The following ADGRL3 variants were observed in gnomAD, a reference collection of about 807,000 sequenced individuals.
ADGRL3 encodes adhesion G protein-coupled receptor L3.
ADGRL3 carries 62 observed loss-of-function variants against 153.5 expected under a neutral mutation model. The ratio of observed to expected loss-of-function variants is 0.40; its 90% CI spans 0.33 to 0.50. The LOEUF (loss-of-function observed/expected upper bound fraction) is 0.50, where lower values mean the gene tolerates loss of function less well. Among genes scored for constraint, ADGRL3 ranks in the 20% least tolerant of loss-of-function variants. The probability of loss-of-function intolerance (pLI) is 0.47; values close to 1 mark genes in which losing one functional copy is unlikely to be tolerated. For synonymous variants in ADGRL3, 710 were observed against 672.5 expected (o/e 1.06, Z -0.86); for missense variants, 1,641 against 1,859.4 (o/e 0.88, Z 2.16).
chr4:61,728,380 G>A (rs914775535), intron 6 of ADGRL3, among the ~76,000 whole-genome samples: 1 of 152,062 alleles, frequency 6.6e-6, no homozygotes, highest in Admixed American at 6.6e-5. Flanking sequence ...TTACCAAATG[G>A]CAGTTGAGTT....
Position 61,971,134 on chromosome 4 carries a change from ATT to A in ADGRL3, c.2806-8423_2806-8422del, listed in dbSNP as rs932806321. On this transcript the variant is annotated intron_variant, in intron 17 of 26. Transcript: ENST00000683033. ...TTGAAGAGGCAATTTAATTTTTTAA[ATT>A]TTTTTATTTATTTTTATTTATTTAT... Among the ~76,000 whole-genome samples, 30 of 151,672 alleles carry A rather than the reference ATT, an allele frequency of 2.0e-4. No individual in the cohort carries two copies. In the South Asian group the frequency reaches 2.7e-3, roughly 14 times the overall value.
intron 2 of ADGRL3, among the ~76,000 whole-genome samples, chr4:61,403,009 T>C (rs1052065658): frequency 6.6e-6 from 1 of 150,730 alleles, no homozygotes; most frequent in Non-Finnish European, 1.5e-5. Context: ...TCATCCTGGC[T>C]TGTACATGGC....
chr4:61,763,426 C>T (rs935614360), intron 8 of ADGRL3, among the ~76,000 whole-genome samples: 4 of 151,782 alleles, frequency 2.6e-5, no homozygotes, highest in Admixed American at 6.6e-5. Context: ...CCTCATGATC[C>T]GCCTGCCTCA....
At chr4:61,803,848 A>G (rs1013678952) in intron 8 of ADGRL3, among the ~76,000 whole-genome samples, 1 of 152,166 alleles carries the variant, frequency 6.6e-6, no homozygotes, top group Non-Finnish European at 1.5e-5. Context: ...TTTATAGACA[A>G]CTATAATATA....
intron 5 of ADGRL3, among the ~76,000 whole-genome samples, chr4:61,612,002 T>G (rs1486498050): frequency 6.6e-6 from 1 of 152,130 alleles, no homozygotes; most frequent in Non-Finnish European, 1.5e-5. Flanking sequence ...CATACATTTC[T>G]TGTTCACTCA....
chr4:61,514,277 T>C (rs969639555), intron 3 of ADGRL3, among the ~76,000 whole-genome samples: 4 of 152,060 alleles, frequency 2.6e-5, no homozygotes, highest in Non-Finnish European at 5.9e-5. Context: ...ACGTGAACCT[T>C]GGGAGATCTG....
At position 62,051,823 on chromosome 4, in the gene ADGRL3, A is replaced by G. The variant is rs190745755; in HGVS notation, c.3814+7274A>G. 2.9e-4 allele frequency among the ~76,000 whole-genome samples: 44 copies of G among 151,926 alleles called. 1 individual carries two copies. Among genetic ancestry groups the G allele is most frequent in the African/African-American group, 1.1e-3 (44 of 41,566 alleles). ...TGAGCTACCTTGATAAATTCTAAAT[A>G]TAAGTGCTATAGAATATTTCCACTT... On this transcript the variant is annotated intron_variant, in intron 25 of 26. Transcript: ENST00000683033.
intron 1 of ADGRL3, among the ~76,000 whole-genome samples, chr4:61,284,190 A>G (rs937517775): frequency 1.3e-5 from 2 of 151,976 alleles, no homozygotes; most frequent in Non-Finnish European, 2.9e-5. Context: ...ATTAATTTGC[A>G]GTCATATAAG....
At position 61,733,393 on chromosome 4, in the gene ADGRL3, C is replaced by T. The variant is rs770535751; in HGVS notation, c.1238C>T (p.Thr413Ile). The T allele has an allele frequency of 6.2e-7, 1 of 1,613,754 alleles. No homozygotes were observed. The highest frequency in any genetic ancestry group is 1.7e-5 in the Admixed American group (1 of 59,902). The part of the protein sequence containing the change: ...TGNKIDYIYN[T>I]DQSKDSLVDV... The stretch of plus-strand genomic sequence containing the variant: ...AATAAGATTGACTACATTTACAACA[C>T]TGACCAAAGCAAGGATAGTTTGGTG... Residue 413 changes from threonine to isoleucine, a missense_variant, in exon 8 of 27, where the codon ACT becomes ATT. Transcript: ENST00000683033.
At chr4:61,382,669 G>A (rs576048860) in intron 1 of ADGRL3, among the ~76,000 whole-genome samples, 12 of 151,710 alleles carry the variant, frequency 7.9e-5, no homozygotes, top group Non-Finnish European at 1.6e-4. Context: ...AAATAAGGGT[G>A]TGTGTATGTA....
chr4:61,850,236 CTG>C (rs1389772905), intron 9 of ADGRL3, among the ~76,000 whole-genome samples: 2 of 152,020 alleles, frequency 1.3e-5, no homozygotes, highest in Non-Finnish European at 2.9e-5. Context: ...CATGAAAGTT[CTG>C]TGTTATTATT....
intron 25 of ADGRL3, among the ~76,000 whole-genome samples, chr4:62,063,275 G>C (rs1741163355): frequency 6.6e-6 from 1 of 151,966 alleles, no homozygotes; most frequent in African/African-American, 2.4e-5. Flanking sequence ...CTTAAATGTA[G>C]CTTAATCAAC....
At chr4:62,037,493 T>A (rs1044703983) in intron 23 of ADGRL3, among the ~76,000 whole-genome samples, 2 of 152,082 alleles carry the variant, frequency 1.3e-5, no homozygotes, top group African/African-American at 4.8e-5. Context: ...TGTGTGAATG[T>A]GTGTGTATAA....
intron 8 of ADGRL3, among the ~76,000 whole-genome samples, chr4:61,757,298 G>T (rs1037781669): frequency 4.6e-5 from 7 of 152,174 alleles, no homozygotes; most frequent in Non-Finnish European, 7.4e-5. Context: ...CAATTTCAGA[G>T]CCTGTTATTG....
intron 4 of ADGRL3, among the ~76,000 whole-genome samples, chr4:61,546,194 C>G (rs1028466171): frequency 2.0e-5 from 3 of 152,208 alleles, no homozygotes; most frequent in African/African-American, 7.2e-5. Context: ...TTTCAACTCT[C>G]TGACGGCTTA....
Position 61,979,176 on chromosome 4 carries a change from A to T in ADGRL3, c.2806-387A>T, listed in dbSNP as rs553274096. On this transcript the variant is annotated intron_variant, in intron 17 of 26. Coordinates refer to ENST00000683033, the MANE Select transcript of ADGRL3 (RefSeq NM_001387552.1). ...CCCCAAGTGTAAAGCTTAAAATTGT[A>T]AATAGTATTCCCTACTGGAGATGGT... is the stretch of plus-strand genomic sequence containing the variant. Among the ~76,000 whole-genome samples the T allele has an allele frequency of 7.9e-5, 12 of 152,316 alleles. No homozygotes were observed. The East Asian group carries it at 2.3e-3, about 29-fold the overall frequency.
intron 8 of ADGRL3, among the ~76,000 whole-genome samples, chr4:61,747,228 C>A (rs928342235): frequency 6.7e-6 from 1 of 150,338 alleles, no homozygotes; most frequent in Non-Finnish European, 1.5e-5. Flanking sequence ...AGCTTACCAA[C>A]CAAAAAGAGT....
At chr4:61,651,788 T>G (rs1234719787) in intron 5 of ADGRL3, among the ~76,000 whole-genome samples, 1 of 150,786 alleles carries the variant, frequency 6.6e-6, no homozygotes, top group African/African-American at 2.4e-5. Context: ...TTTTTTTTTT[T>G]TTGTATTTTA....
chr4:61,916,421 G>A (rs2149905309), intron 13 of ADGRL3, among the ~76,000 whole-genome samples: 1 of 152,030 alleles, frequency 6.6e-6, no homozygotes, highest in Non-Finnish European at 1.5e-5. Flanking sequence ...GATTTTTTGA[G>A]CCCAGGAGTT....
Sources: allele counts gnomAD v4.1 joint callset (sites outside exome capture counted in the v4.1 genomes callset), GRCh38; gene constraint gnomAD v4.1.1; transcripts MANE v1.5; gene names NCBI Gene and HGNC (gene_info 2026-07-23, HGNC 2026-07-21).